Variants in OPCML observed in about 807,000 individuals in gnomAD.
The protein encoded by OPCML is opioid-binding protein/cell adhesion molecule.
OPCML carries 13 observed loss-of-function variants against 37.8 expected under a neutral mutation model. The ratio of observed to expected loss-of-function variants is 0.34; its 90% confidence interval spans 0.22 to 0.55. The LOEUF is 0.55. Ranked by LOEUF, OPCML falls within the 20% of genes least tolerant of loss-of-function variation. OPCML has a pLI of 0.91. For missense variants in OPCML, 341 were observed against 435.6 expected (o/e 0.78, Z 1.93); for synonymous variants, 176 against 168.8 (o/e 1.04, Z -0.33).
chr11:132,740,662 G>T (rs1945407202), intron 2 of OPCML, among the ~76,000 whole-genome samples: 1 of 152,010 alleles, frequency 6.6e-6, no homozygotes, highest in African/African-American at 2.4e-5. Flanking sequence ...TCTCTGTGGG[G>T]CCATAACTTC....
chr11:133,140,224 C>T (rs543360712), intron 1 of OPCML, among the ~76,000 whole-genome samples: 1 of 67,326 alleles, frequency 1.5e-5, no homozygotes, highest in Non-Finnish European at 3.2e-5. Context: ...AATAATAATA[C>T]TGATAGGCTG....
At chr11:133,018,727 C>G (rs1390687107) in intron 1 of OPCML, among the ~76,000 whole-genome samples, 1 of 152,208 alleles carries the variant, frequency 6.6e-6, no homozygotes, top group Non-Finnish European at 1.5e-5. Flanking sequence ...CTTCCTGATC[C>G]CAGAGGGCAA....
chr11:132,784,316 G>A (rs1019347430), intron 2 of OPCML, among the ~76,000 whole-genome samples: 2 of 152,080 alleles, frequency 1.3e-5, no homozygotes, highest in Non-Finnish European at 2.9e-5. Context: ...ACTAACCAGA[G>A]AAAGCCAAAT....
At chr11:132,521,054 A>T (rs2137245693) in intron 4 of OPCML, among the ~76,000 whole-genome samples, 1 of 152,112 alleles carries the variant, frequency 6.6e-6, no homozygotes, top group Admixed American at 6.5e-5. Context: ...TGTTTCCTGA[A>T]TTTTTAATAA....
rs533804535 is a variant in OPCML, at chr11:132,639,936, G to A, written c.379+17151C>T. Among the ~76,000 whole-genome samples the A allele has an allele frequency of 7.9e-5, 12 of 152,340 alleles. No homozygotes were observed. In the East Asian group the frequency reaches 1.9e-3, roughly 25 times the overall value. On this transcript the variant is annotated intron_variant, in intron 3 of 7. Transcript: ENST00000524381. ...TACTCACTAGAGGCAGAAAATCACT[G>A]CAAGGCAATAGTTTCTGAGGCAAAT...
rs1950343949 is a variant in OPCML at position 133,174,810 on chromosome 11, T to C, written c.62-231800A>G. On this transcript the variant is annotated intron_variant, in intron 1 of 7. Coordinates refer to ENST00000524381, the MANE Select transcript of OPCML (RefSeq NM_001012393.5). The surrounding 1 kb of genome is among the most constrained non-coding windows in gnomAD (Gnocchi z 4.6). ...TCATTTATGATGAGTGTATACTTCG[T>C]GTGCACTAGAAAAAGAGTACTTTAA... Among the ~76,000 whole-genome samples the C allele has an allele frequency of 6.6e-6, 1 of 152,188 alleles. No homozygotes were observed. Among genetic ancestry groups the C allele is most frequent in the African/African-American group, 2.4e-5 (1 of 41,444 alleles).
At chr11:132,922,811 G>C (rs1312697167) in intron 2 of OPCML, among the ~76,000 whole-genome samples, 1 of 152,108 alleles carries the variant, frequency 6.6e-6, no homozygotes, top group African/African-American at 2.4e-5. Flanking sequence ...AGTGGCTCAC[G>C]TCTGTAATCC....
chr11:133,423,569 G>C, intron 1 of OPCML: 1 of 823,368 alleles, frequency 1.2e-6, no homozygotes, highest in Non-Finnish European at 1.5e-6. Flanking sequence ...TGGAAAAGCA[G>C]ATCTGTGAAA....
intron 3 of OPCML, among the ~76,000 whole-genome samples, chr11:132,573,824 T>C (rs2096443839): frequency 6.6e-6 from 1 of 152,032 alleles, no homozygotes; most frequent in Non-Finnish European, 1.5e-5. Flanking sequence ...TATTTCCATG[T>C]TTGGTAGAAT....
chr11:133,414,895 C>T (rs181300698), intron 1 of OPCML, among the ~76,000 whole-genome samples: 44 of 152,046 alleles, frequency 2.9e-4, no homozygotes, highest in Admixed American at 2.8e-3. Flanking sequence ...AGACATAGGC[C>T]CAAGGAGTGA....
intron 1 of OPCML, among the ~76,000 whole-genome samples, chr11:132,969,050 A>G (rs1397403824): frequency 6.6e-6 from 1 of 152,052 alleles, no homozygotes; most frequent in Non-Finnish European, 1.5e-5. Context: ...TCTGGTTACC[A>G]TCACCAGAGC....
At chr11:133,447,779 C>A (rs1946501850) in intron 1 of OPCML, among the ~76,000 whole-genome samples, 1 of 152,198 alleles carries the variant, frequency 6.6e-6, no homozygotes, top group South Asian at 2.1e-4. Context: ...CACTGAGGGG[C>A]TCTTAGGTTG....
intron 1 of OPCML, among the ~76,000 whole-genome samples, chr11:133,460,080 C>T (rs1946824844): frequency 6.6e-6 from 1 of 151,908 alleles, no homozygotes; most frequent in South Asian, 2.1e-4. Flanking sequence ...CTGGAAAACA[C>T]ACAAATATAT....
chr11:132,665,241 C>T (rs188008687), intron 2 of OPCML, among the ~76,000 whole-genome samples: 2 of 152,190 alleles, frequency 1.3e-5, no homozygotes, highest in Non-Finnish European at 2.9e-5. Context: ...AACAGCATCA[C>T]CTGAGGCAGA....
At position 132,645,724 on chromosome 11, in the gene OPCML, G is replaced by A. The variant is rs113989940; in HGVS notation, c.379+11363C>T. 2.5e-3 allele frequency among the ~76,000 whole-genome samples: 378 copies of A among 152,296 alleles called. 3 individuals carry two copies. Among genetic ancestry groups the A allele is most frequent in the African/African-American group, 8.5e-3 (352 of 41,566 alleles). ...AACTCTAAAATTGTGCAATATGATA[G>A]CTACTGGTCATGTGTGTCTATTTCA... On this transcript the variant is annotated intron_variant, in intron 3 of 7. Transcript: ENST00000524381.
At chr11:132,589,036 T>C (rs1176020237) in intron 3 of OPCML, among the ~76,000 whole-genome samples, 4 of 152,236 alleles carry the variant, frequency 2.6e-5, no homozygotes, top group African/African-American at 9.6e-5. Context: ...ATATAGCCTA[T>C]CTTGGTTTGC....
chr11:133,508,138 C>A (rs182239423), intron 1 of OPCML, among the ~76,000 whole-genome samples: 3 of 152,192 alleles, frequency 2.0e-5, no homozygotes, highest in African/African-American at 7.2e-5. Flanking sequence ...TGTAAGCTTC[C>A]CCAGGTTGTC....
At chr11:133,192,816 T>G (rs114574071) in intron 1 of OPCML, among the ~76,000 whole-genome samples, 346 of 152,280 alleles carry the variant, frequency 2.3e-3, no homozygotes, top group African/African-American at 8.0e-3. Flanking sequence ...TTGCTATAAT[T>G]ATCTGGTAAC....
rs138139881 is a variant in OPCML at position 132,548,706 on chromosome 11, C to T, written c.380-19520G>A. Among the ~76,000 whole-genome samples the T allele has an allele frequency of 2.6e-5, 4 of 152,270 alleles. No individual in the cohort carries two copies. In the East Asian group the frequency reaches 7.7e-4, roughly 29 times the overall value. ...TAACTCCCAAAAACCAAGTGAACTA[C>T]TTGAAGGCTGGACCCAAGTTAAATT... On this transcript the variant is annotated intron_variant, in intron 3 of 7. Coordinates refer to ENST00000524381, the MANE Select transcript of OPCML (RefSeq NM_001012393.5).
Sources: allele counts gnomAD v4.1 joint callset (sites outside exome capture counted in the v4.1 genomes callset), GRCh38; gene constraint gnomAD v4.1.1; non-coding constraint Gnocchi (gnomAD v3.1); transcripts MANE v1.5; gene names NCBI Gene and HGNC (gene_info 2026-07-23, HGNC 2026-07-21).